ANKRD11: variants seen among roughly 807,000 people sequenced by gnomAD.
ANKRD11 encodes ankyrin repeat domain-containing protein 11.
A neutral mutation model predicts 195.7 loss-of-function variants in ANKRD11; 17 were observed. That is an observed-to-expected ratio of 0.09 (90% CI 0.06 to 0.13). The LOEUF (loss-of-function observed/expected upper bound fraction) is 0.13, where lower values mean the gene tolerates loss of function less well. Among genes scored for constraint, ANKRD11 ranks in the 10% least tolerant of loss-of-function variants. The pLI is 1.00. For synonymous variants in ANKRD11, 1,953 were observed against 1,528.1 expected (o/e 1.28, Z -6.49); for missense variants, 3,735 against 3,566.1 (o/e 1.05, Z -1.21).
intron 1 of ANKRD11, among the ~76,000 whole-genome samples, chr16:89,443,028 T>C (rs1008522967): frequency 6.6e-6 from 1 of 152,254 alleles, no homozygotes; most frequent in Non-Finnish European, 1.5e-5. Context: ...AATCTCGCTC[T>C]GTCATCCAGA....
chr16:89,281,832 C>T lies in ANKRD11; in HGVS notation c.4710G>A (p.Glu1570=), dbSNP rs1379911866. Residue 1570 remains glutamate, a synonymous_variant, in exon 9 of 13, where the codon GAG becomes GAA. Transcript: ENST00000301030. The surrounding 1 kb of genome is among the most constrained non-coding windows in gnomAD (Gnocchi z 5.5). ...DPGKKDARPR[E]KLLGDGDLMM... ...TCAGGTCGCCGTCCCCCAGGAGCTT[C>T]TCCCTGGGCCTGGCGTCTTTCTTGC... The T allele has an allele frequency of 2.5e-6, 4 of 1,614,050 alleles. No individual in the cohort carries two copies. The highest frequency in any genetic ancestry group is 1.3e-5 in the African/African-American group (1 of 75,062).
chr16:89,384,879 C>CTTTTTTTTTTTTTTTT lies in ANKRD11; in HGVS notation c.-60+33389_-60+33404dup, dbSNP rs869271846. ...GGAGCACACAATGAGAAATAGTTTTCTTTTTTTTTTTTTTTTTTTTTTTTT... is the reference window on the plus strand; with the variant it reads ...GGAGCACACAATGAGAAATAGTTTTCTTTTTTTTTTTTTTTTTTTTTTTTTTTTTTTTTTTTTTTTT... On this transcript the variant is annotated intron_variant, in intron 2 of 12. Coordinates refer to ENST00000301030, the MANE Select transcript of ANKRD11 (RefSeq NM_013275.6). 5.3e-3 allele frequency among the ~76,000 whole-genome samples: 266 copies of CTTTTTTTTTTTTTTTT among 49,936 alleles called. 44 individuals carry two copies. The highest frequency in any genetic ancestry group is 0.019 in the Middle Eastern group (1 of 54). 32.8% of individuals were successfully genotyped at this position (49,936 alleles called of 152,430 possible). A position where few individuals can be genotyped will look rare whatever the true frequency, so the allele number is the denominator to read the frequency against.
intron 2 of ANKRD11, among the ~76,000 whole-genome samples, chr16:89,356,500 G>A (rs564627656): frequency 1.1e-3 from 168 of 152,038 alleles, no homozygotes; most frequent in African/African-American, 3.8e-3. Flanking sequence ...GGCCAGGCGC[G>A]GTGGCTCACG....
Position 89,412,731 on chromosome 16 carries a change from C to T in ANKRD11, c.-60+5553G>A, listed in dbSNP as rs542958040. Among the ~76,000 whole-genome samples, 7 of 152,172 alleles carry T rather than the reference C, an allele frequency of 4.6e-5. No homozygotes were observed. The South Asian group carries it at 8.3e-4, about 18-fold the overall frequency. On this transcript the variant is annotated intron_variant, in intron 2 of 12. Coordinates refer to ENST00000301030, the MANE Select transcript of ANKRD11 (RefSeq NM_013275.6). ...AGAGGAAAAAATTCCCTTAAGCCAG[C>T]TGTAAAAAATGATGGTATTAAAAAA...
intron 2 of ANKRD11, among the ~76,000 whole-genome samples, chr16:89,383,415 T>C (rs2040751552): frequency 6.6e-6 from 1 of 152,162 alleles, no homozygotes; most frequent in Non-Finnish European, 1.5e-5. Flanking sequence ...GTCCCCACAC[T>C]CTGGGAGAAT....
intron 1 of ANKRD11, chr16:89,458,987 G>A (rs1460659107): frequency 1.6e-4 from 25 of 152,616 alleles, no homozygotes; most frequent in Admixed American, 1.6e-3. Context: ...TGTGATGAAA[G>A]AACCCAGATT....
chr16:89,403,312 C>G (rs984387601), intron 2 of ANKRD11, among the ~76,000 whole-genome samples: 19 of 152,298 alleles, frequency 1.2e-4, no homozygotes, highest in Middle Eastern at 6.8e-3. Flanking sequence ...CCTGCTCCCC[C>G]CTCCTGACCG....
intron 3 of ANKRD11, among the ~76,000 whole-genome samples, chr16:89,306,951 C>A (rs1197275130): frequency 2.0e-5 from 3 of 152,140 alleles, no homozygotes; most frequent in African/African-American, 7.2e-5. Context: ...CGGTGCGACA[C>A]ACACAGCGCT....
rs142939070 is a variant in ANKRD11 at position 89,281,613 on chromosome 16, C to G, written c.4929G>C (p.Pro1643=). 1.2e-5 allele frequency: 19 copies of G among 1,614,046 alleles called. No homozygotes were observed. The Admixed American group carries it at 1.8e-4, about 16-fold the overall frequency. ...KGLDIPAKKP[P]GLDPPFKDKK... ...TGTCTTTAAATGGAGGGTCCAGCCCCGGCGGTTTCTTAGCAGGAATGTCCA... is the reference window on the plus strand; with the variant it reads ...TGTCTTTAAATGGAGGGTCCAGCCCGGGCGGTTTCTTAGCAGGAATGTCCA... Residue 1643 remains proline, a synonymous_variant, in exon 9 of 13, where the codon CCG becomes CCC. Transcript: ENST00000301030. This position sits in a 1 kb window ranked among gnomAD's most constrained non-coding sequence, Gnocchi z 5.5.
chr16:89,447,084 C>T (rs906076907), intron 1 of ANKRD11, among the ~76,000 whole-genome samples: 6 of 152,096 alleles, frequency 3.9e-5, no homozygotes, highest in East Asian at 1.9e-4. Context: ...TGAAAGCCAC[C>T]GAGCACGTGA....
intron 2 of ANKRD11, among the ~76,000 whole-genome samples, chr16:89,390,789 C>CT (rs1287417342): frequency 6.6e-6 from 1 of 152,168 alleles, no homozygotes; most frequent in Non-Finnish European, 1.5e-5. Flanking sequence ...TTGTCTAACT[C>CT]TGGGGAGGAG....
In ANKRD11 at chr16:89,384,879, CTTTTTTTT is replaced by C. The variant is rs869271846; in HGVS notation, c.-60+33397_-60+33404del. ...GGAGCACACAATGAGAAATAGTTTT[CTTTTTTTT>C]TTTTTTTTTTTTTTTTTTTTGAGAC... On this transcript the variant is annotated intron_variant, in intron 2 of 12. Transcript: ENST00000301030. Among the ~76,000 whole-genome samples, 403 of 49,934 alleles carry C rather than the reference CTTTTTTTT, an allele frequency of 8.1e-3. 4 individuals are homozygous for C. Among genetic ancestry groups the C allele is most frequent in the African/African-American group, 0.021 (261 of 12,616 alleles). The allele number at this position is 49,934 out of a possible 152,430, so 32.8% of individuals were successfully genotyped here. A position where few individuals can be genotyped will look rare whatever the true frequency, so the allele number is the denominator to read the frequency against.
chr16:89,315,236 T>C (rs1383272030), intron 3 of ANKRD11, among the ~76,000 whole-genome samples: 3 of 152,152 alleles, frequency 2.0e-5, no homozygotes, highest in Admixed American at 6.5e-5. Flanking sequence ...CTGAGCTGTA[T>C]GCAAAGTATT....
chr16:89,489,890 C>T (rs1387964128), intron 1 of ANKRD11, among the ~76,000 whole-genome samples: 1 of 144,728 alleles, frequency 6.9e-6, no homozygotes, highest in Non-Finnish European at 1.5e-5. Context: ...CGCGGGCCCC[C>T]GGCCACCCAG....
intron 1 of ANKRD11, among the ~76,000 whole-genome samples, chr16:89,476,050 T>TC (rs1808893957): frequency 7.8e-6 from 1 of 128,462 alleles, no homozygotes; most frequent in South Asian, 2.3e-4. Flanking sequence ...AGACTGTGTC[T>TC]CAAAAAAAAA....
intron 1 of ANKRD11, among the ~76,000 whole-genome samples, chr16:89,456,874 T>C (rs1226896506): frequency 6.6e-6 from 1 of 152,014 alleles, no homozygotes; most frequent in Non-Finnish European, 1.5e-5. Flanking sequence ...TGGTGCTAGT[T>C]GCACAAAGTT....
At chr16:89,470,152 T>C (rs2057027041) in intron 1 of ANKRD11, among the ~76,000 whole-genome samples, 1 of 151,884 alleles carries the variant, frequency 6.6e-6, no homozygotes, top group East Asian at 2.0e-4. Flanking sequence ...GTGATCTGCC[T>C]GCCCCGGCCT....
chr16:89,304,152 G>A (rs556037119), intron 4 of ANKRD11, among the ~76,000 whole-genome samples: 3 of 152,342 alleles, frequency 2.0e-5, no homozygotes, highest in South Asian at 2.1e-4. Flanking sequence ...CACGGCCAGC[G>A]CAGAGGCCTC....
chr16:89,445,955 G>C (rs2043766431), intron 1 of ANKRD11, among the ~76,000 whole-genome samples: 1 of 145,452 alleles, frequency 6.9e-6, no homozygotes, highest in Admixed American at 7.0e-5. Flanking sequence ...GGCAACAAGA[G>C]CGAAACTCCG....
Sources: allele counts gnomAD v4.1 joint callset (sites outside exome capture counted in the v4.1 genomes callset), GRCh38; gene constraint gnomAD v4.1.1; non-coding constraint Gnocchi (gnomAD v3.1); transcripts MANE v1.5; gene names NCBI Gene and HGNC (gene_info 2026-07-23, HGNC 2026-07-21).